LRP6: variants seen among roughly 807,000 people sequenced by gnomAD.
LRP6 encodes the protein LDL receptor related protein 6, also known as low-density lipoprotein receptor-related protein 6.
LRP6 carries 43 observed loss-of-function variants against 184.1 expected under a neutral mutation model. That is an observed-to-expected ratio of 0.23 (90% CI 0.18 to 0.30). The LOEUF (loss-of-function observed/expected upper bound fraction) is 0.30. Among genes scored for constraint, LRP6 ranks in the 10% least tolerant of loss-of-function variants. The pLI is 1.00. For synonymous variants in LRP6, 719 were observed against 684.9 expected, an observed-to-expected ratio of 1.05 and a Z score of -0.78; for missense variants, 1,571 against 2,005.3, an observed-to-expected ratio of 0.78 and a Z score of 4.14.
chr12:12,158,281 G>A (rs1156330972), intron 12 of LRP6, among the ~76,000 whole-genome samples: 1 of 152,084 alleles, frequency 6.6e-6, no homozygotes, highest in East Asian at 1.9e-4. Context: ...ATGAAACTAT[G>A]CAACTTTTAC....
At chr12:12,228,501 C>T (rs1241021901) in intron 2 of LRP6, among the ~76,000 whole-genome samples, 1 of 152,206 alleles carries the variant, frequency 6.6e-6, no homozygotes, top group Non-Finnish European at 1.5e-5. Context: ...TGAGACTGTG[C>T]CCTTCTCTAG....
chr12:12,155,551 G>C (rs966408151), intron 12 of LRP6: 1 of 744,840 alleles, frequency 1.3e-6, no homozygotes, highest in Non-Finnish European at 2.4e-6. Flanking sequence ...AGCACGTTAA[G>C]CACGCTAAGA....
intron 7 of LRP6, among the ~76,000 whole-genome samples, chr12:12,174,198 G>A (rs1290201134): frequency 4.0e-5 from 6 of 151,414 alleles, no homozygotes; most frequent in Non-Finnish European, 8.8e-5. Flanking sequence ...TGCAACCTCC[G>A]CCACCCGGGT....
At chr12:12,206,141 C>CACACTATG (rs1864051132) in intron 2 of LRP6, among the ~76,000 whole-genome samples, 1 of 152,160 alleles carries the variant, frequency 6.6e-6, no homozygotes, top group East Asian at 1.9e-4. Flanking sequence ...GTTTGTGTAA[C>CACACTATG]ACACTATGTT....
chr12:12,226,040 C>A (rs1359813551), intron 2 of LRP6, among the ~76,000 whole-genome samples: 1 of 152,070 alleles, frequency 6.6e-6, no homozygotes, highest in Non-Finnish European at 1.5e-5. Flanking sequence ...CTCCCTCTCC[C>A]CGTCTACACA....
chr12:12,167,912 A>G (rs1177371293), intron 7 of LRP6, among the ~76,000 whole-genome samples: 1 of 152,208 alleles, frequency 6.6e-6, no homozygotes, highest in African/African-American at 2.4e-5. Context: ...ACTCACTGTT[A>G]AACTGAAGAC....
intron 12 of LRP6, among the ~76,000 whole-genome samples, chr12:12,152,213 G>C (rs1480468041): frequency 2.1e-4 from 32 of 152,120 alleles, no homozygotes; most frequent in Admixed American, 2.1e-3. Flanking sequence ...CCACCGCCAG[G>C]AAAGAAGTCC....
At chr12:12,237,192 A>C (rs77032497) in intron 2 of LRP6, among the ~76,000 whole-genome samples, 8,116 of 152,220 alleles carry the variant, frequency 0.053, 241 homozygotes, top group Middle Eastern at 0.16. Context: ...GCACCTAGCA[A>C]CCCTACTGCT....
At chr12:12,159,655 A>G in intron 11 of LRP6, 125 bp downstream of exon 11, 1 of 879,052 alleles carries the variant, frequency 1.1e-6, no homozygotes, top group Non-Finnish European at 1.8e-6. Flanking sequence ...ACAATTCCAG[A>G]ACAGAAGAAG....
chr12:12,231,146 A>G (rs1305689371), intron 2 of LRP6, among the ~76,000 whole-genome samples: 2 of 126,642 alleles, frequency 1.6e-5, no homozygotes, highest in African/African-American at 5.8e-5. Context: ...GTGACACTAC[A>G]CTCTAGCCTG....
intron 2 of LRP6, among the ~76,000 whole-genome samples, chr12:12,234,798 T>C (rs545537548): frequency 6.6e-6 from 1 of 151,260 alleles, no homozygotes; most frequent in African/African-American, 2.4e-5. Context: ...GCCACTGCAC[T>C]CTGGGCGACA....
In LRP6 at chr12:12,135,309, A is replaced by G. The variant is rs367867195; in HGVS notation, c.3608-9T>C. On this transcript the variant is annotated splice_polypyrimidine_tract_variant and intron_variant, in intron 16 of 22. Coordinates refer to ENST00000261349, the MANE Select transcript of LRP6 (RefSeq NM_002336.3). Reference sequence around the variant, plus strand: ...AGCACAAGGGTGCTGTCCTGCAAAGAGAAGAGGTGAGGATGGGGAGAGGAG... The same window carrying G: ...AGCACAAGGGTGCTGTCCTGCAAAGGGAAGAGGTGAGGATGGGGAGAGGAG... 1.2e-6 allele frequency: 2 copies of G among 1,607,842 alleles called. No individual in the cohort carries two copies. Among genetic ancestry groups the G allele is most frequent in the African/African-American group, 2.7e-5 (2 of 74,390 alleles).
chr12:12,159,794 G>C lies in LRP6; in HGVS notation c.2450C>G (p.Ser817Cys), dbSNP rs2302686. ...GTAAAGCTTACCAAGCATATTTGAA[G>C]ATTCTATTAAGTTGGTGTCCAGGTC... Reference protein sequence around the residue: ...WTDLDTNLIESSNMLGLNREV... With the variant: ...WTDLDTNLIECSNMLGLNREV... The change falls in exon 11 of 23, where the codon TCT becomes TGT. Residue 817 changes from serine (S) to cysteine (C), a missense_variant. Coordinates refer to ENST00000261349, the MANE Select transcript of LRP6 (RefSeq NM_002336.3). The C allele has an allele frequency of 2.8e-4, 448 of 1,614,106 alleles. 8 individuals are homozygous for C. In the East Asian group the frequency reaches 8.1e-3, roughly 29 times the overall value.
rs533789735 is a variant in LRP6 at position 12,222,034 on chromosome 12, C to T, written c.450-18634G>A. Among the ~76,000 whole-genome samples, 36 of 152,240 alleles carry T rather than the reference C, an allele frequency of 2.4e-4. No homozygotes were observed. In the South Asian group the frequency reaches 7.2e-3, roughly 31 times the overall value. On this transcript the variant is annotated intron_variant, in intron 2 of 22. Transcript: ENST00000261349. ...AAGACCATATAGGGGAACAAAGTAACAACTAAAATTCCTTCTCACACAATG... is the reference window on the plus strand; with the variant it reads ...AAGACCATATAGGGGAACAAAGTAATAACTAAAATTCCTTCTCACACAATG...
chr12:12,156,247 C>G (rs1287684831), intron 12 of LRP6, among the ~76,000 whole-genome samples: 2 of 152,138 alleles, frequency 1.3e-5, no homozygotes, highest in Admixed American at 1.3e-4. Context: ...AAGACTTGGA[C>G]GTGAAGGGTA....
chr12:12,158,958 A>C lies in LRP6; in HGVS notation c.2662T>G (p.Ser888Ala). Residue 888 changes from serine to alanine, a missense_variant, in exon 12 of 23, where the codon TCA (serine) becomes GCA (alanine). Ser to Ala is a moderately conservative substitution (Grantham distance 99). Around this residue, in one of 4 missense-constraint regions of LRP6, gnomAD observed 158 missense variants for 258.4 expected, o/e 0.61. Transcript: ENST00000261349. Reference sequence around the variant, plus strand: ...CTGGAAGCACATTCATTCCACCCTGACTGTCGAGATGAGTGAAAGACGAGG... The same window carrying C: ...CTGGAAGCACATTCATTCCACCCTGCCTGTCGAGATGAGTGAAAGACGAGG... Reference protein sequence around the residue: ...DILVFHSSRQSGWNECASSNG... With the variant: ...DILVFHSSRQAGWNECASSNG... 1.9e-6 allele frequency: 3 copies of C among 1,614,200 alleles called. No homozygotes were observed. Among genetic ancestry groups the C allele is most frequent in the South Asian group, 2.2e-5 (2 of 91,084 alleles).
chr12:12,244,376 G>A lies in LRP6; in HGVS notation c.335C>T (p.Thr112Ile), dbSNP rs747124715. 26 of 1,614,040 alleles carry A rather than the reference G, an allele frequency of 1.6e-5. No individual in the cohort carries two copies. The Admixed American group carries it at 3.7e-4, about 23-fold the overall frequency. Residue 112 changes from threonine (T) to isoleucine (I), a missense_variant, in exon 2 of 23, where the codon ACA becomes ATA. Physicochemically the swap from Thr to Ile is moderately conservative, Grantham distance 89 (BLOSUM62 -1). Coordinates refer to ENST00000261349, the MANE Select transcript of LRP6 (RefSeq NM_002336.3). ...TTCAATCCGATTAGTTTCAGAATCT[G>A]TCCAGTACAATTTTTCTCCAAGCCA... ...CDWLGEKLYW[T>I]DSETNRIEVS...
At chr12:12,165,999 T>G (rs760016946) in intron 7 of LRP6, among the ~76,000 whole-genome samples, 5 of 152,190 alleles carry the variant, frequency 3.3e-5, no homozygotes, top group African/African-American at 7.2e-5. Flanking sequence ...CATACTGTAT[T>G]CACAGTGCAT....
chr12:12,187,429 C>A, intron 3 of LRP6: 2 of 393,156 alleles, frequency 5.1e-6, no homozygotes, highest in Non-Finnish European at 9.6e-6. Context: ...GCTGTCAAAT[C>A]CTACTCTTCA....
Sources: gnomAD v4.1 joint callset for allele counts (sites outside exome capture counted in the v4.1 genomes callset) on GRCh38, gnomAD v4.1.1 for gene constraint, gnomAD v4.1.1 regional missense constraint, MANE v1.5 for transcripts, NCBI Gene and HGNC (gene_info 2026-07-23, HGNC 2026-07-21) for gene names.